Variants in CHRM3 observed in about 807,000 individuals in gnomAD.
The protein encoded by CHRM3 is cholinergic receptor muscarinic 3, also known as muscarinic acetylcholine receptor M3.
In CHRM3, 11 loss-of-function variants were observed where a neutral mutation model predicts 41.8. That is an observed-to-expected ratio of 0.26 (90% CI 0.17 to 0.44). CHRM3 has a LOEUF of 0.44. Among genes scored for constraint, CHRM3 ranks in the 20% least tolerant of loss-of-function variants. CHRM3 has a pLI of 1.00. For missense variants in CHRM3, 571 were observed against 745.4 expected, an observed-to-expected ratio of 0.77 and a Z score of 2.72; for synonymous variants, 297 against 301.4, an observed-to-expected ratio of 0.99 and a Z score of 0.15.
intron 3 of CHRM3, among the ~76,000 whole-genome samples, chr1:239,552,319 CA>C (rs1165971868): frequency 7.0e-6 from 1 of 142,504 alleles, no homozygotes; most frequent in South Asian, 2.2e-4. Flanking sequence ...AGATATGTAT[CA>C]TATATATAGA....
chr1:239,685,545 A>G (rs1223527688), intron 5 of CHRM3, among the ~76,000 whole-genome samples: 1 of 152,098 alleles, frequency 6.6e-6, no homozygotes, highest in African/African-American at 2.4e-5. Flanking sequence ...GTTCTGGACC[A>G]GGTGCAGTGG....
chr1:239,725,649 G>A (rs555864216), intron 5 of CHRM3, among the ~76,000 whole-genome samples: 1 of 152,056 alleles, frequency 6.6e-6, no homozygotes, highest in East Asian at 1.9e-4. Context: ...TGATTGATTG[G>A]TGGCCGGGTC....
Position 239,874,308 on chromosome 1 carries a change from T to G in CHRM3, c.-19-33125T>G, listed in dbSNP as rs868570598. ...CAGTATATATATATATATATATATA[T>G]ATATATATATATATATATACACAGT... On this transcript the variant is annotated intron_variant, in intron 6 of 6. Transcript: ENST00000676153. 4.0e-3 allele frequency among the ~76,000 whole-genome samples: 508 copies of G among 127,190 alleles called. 25 individuals carry two copies. The highest frequency in any genetic ancestry group is 0.016 in the African/African-American group (474 of 28,846). The allele number at this position is 127,190 out of a possible 152,430, so 83.4% of individuals were successfully genotyped here. A position where few individuals can be genotyped will look rare whatever the true frequency, so the allele number is the denominator to read the frequency against.
intron 5 of CHRM3, among the ~76,000 whole-genome samples, chr1:239,710,906 C>T (rs909829904): frequency 1.3e-5 from 2 of 151,988 alleles, no homozygotes; most frequent in African/African-American, 4.8e-5. Context: ...ACCAAGAAAG[C>T]CTGTCTCCTT....
chr1:239,520,338 G>A (rs1203614017), intron 2 of CHRM3, among the ~76,000 whole-genome samples: 1 of 152,248 alleles, frequency 6.6e-6, no homozygotes, highest in Non-Finnish European at 1.5e-5. Context: ...GGGGCCTGGT[G>A]GGAGATGATC....
intron 3 of CHRM3, among the ~76,000 whole-genome samples, chr1:239,615,937 C>T (rs970854488): frequency 3.3e-5 from 5 of 152,176 alleles, no homozygotes; most frequent in South Asian, 4.1e-4. Flanking sequence ...CAGAGCTCAG[C>T]GCCTTCCTTC....
intron 4 of CHRM3, among the ~76,000 whole-genome samples, chr1:239,643,189 C>T (rs1671384997): frequency 6.6e-6 from 1 of 152,138 alleles, no homozygotes; most frequent in Admixed American, 6.5e-5. Context: ...GGGGGTGCCT[C>T]CCAGTTAGGC....
chr1:239,700,548 C>T (rs1390295728), intron 5 of CHRM3, among the ~76,000 whole-genome samples: 3 of 152,082 alleles, frequency 2.0e-5, no homozygotes, highest in Admixed American at 6.6e-5. Flanking sequence ...CTTTGAAAAG[C>T]GCTATCAAAC....
intron 2 of CHRM3, among the ~76,000 whole-genome samples, chr1:239,532,624 A>C (rs1657747367): frequency 2.5e-5 from 1 of 39,504 alleles, no homozygotes; most frequent in Non-Finnish European, 7.3e-5. Context: ...CTGCCTCTCA[A>C]AAAAAAAAAA....
At chr1:239,455,428 C>A (rs1664859196) in intron 1 of CHRM3, among the ~76,000 whole-genome samples, 1 of 151,872 alleles carries the variant, frequency 6.6e-6, no homozygotes, top group South Asian at 2.1e-4. Context: ...AAGAAGGCAT[C>A]ATTATCATAA....
intron 5 of CHRM3, among the ~76,000 whole-genome samples, chr1:239,773,826 A>G (rs750307909): frequency 7.2e-5 from 11 of 152,194 alleles, no homozygotes; most frequent in Admixed American, 2.6e-4. Context: ...ACCTCAATGC[A>G]TAGGGGTTTC....
At chr1:239,606,507 C>A (rs1009690199) in intron 3 of CHRM3, among the ~76,000 whole-genome samples, 1 of 152,174 alleles carries the variant, frequency 6.6e-6, no homozygotes, top group Non-Finnish European at 1.5e-5. Context: ...ATCTCCTGAC[C>A]TTGGGATCTG....
chr1:239,766,627 T>A (rs1239430919), intron 5 of CHRM3, among the ~76,000 whole-genome samples: 1 of 151,948 alleles, frequency 6.6e-6, no homozygotes, highest in Non-Finnish European at 1.5e-5. Context: ...TGTCTATAGA[T>A]AGACATAAAT....
intron 5 of CHRM3, chr1:239,719,207 T>C (rs1200360933): frequency 6.6e-6 from 1 of 152,014 alleles, no homozygotes; most frequent in Non-Finnish European, 1.5e-5. Flanking sequence ...TAATCAGATC[T>C]ACTGGTTTGC....
intron 1 of CHRM3, among the ~76,000 whole-genome samples, chr1:239,482,888 T>G (rs1364806851): frequency 6.6e-6 from 1 of 152,246 alleles, no homozygotes; most frequent in African/African-American, 2.4e-5. Flanking sequence ...ACTAAATGCC[T>G]CGGAAATTTT....
chr1:239,738,382 G>A (rs1664565035), intron 5 of CHRM3, among the ~76,000 whole-genome samples: 1 of 152,134 alleles, frequency 6.6e-6, no homozygotes, highest in Non-Finnish European at 1.5e-5. Context: ...GAGAGCCCTG[G>A]CTTGCAGTCA....
intron 3 of CHRM3, among the ~76,000 whole-genome samples, chr1:239,609,075 T>G (rs1666695129): frequency 6.6e-6 from 1 of 152,178 alleles, no homozygotes; most frequent in Admixed American, 6.5e-5. Context: ...AAAAGCAAGA[T>G]GATGAGTGTG....
chr1:239,505,550 C>T (rs1668512595), intron 2 of CHRM3, among the ~76,000 whole-genome samples: 1 of 152,194 alleles, frequency 6.6e-6, no homozygotes, highest in Admixed American at 6.5e-5. Context: ...GATTGTGATT[C>T]TTTCCCCACC....
intron 4 of CHRM3, among the ~76,000 whole-genome samples, chr1:239,656,469 G>GA (rs71807503): frequency 0.051 from 6,612 of 130,318 alleles, 363 homozygotes; most frequent in African/African-American, 0.16. Flanking sequence ...AAAAAAAAAA[G>GA]AAAAAAGAAA....
Sources: gnomAD v4.1 joint callset for allele counts (sites outside exome capture counted in the v4.1 genomes callset) on GRCh38, gnomAD v4.1.1 for gene constraint, MANE v1.5 for transcripts, NCBI Gene and HGNC (gene_info 2026-07-23, HGNC 2026-07-21) for gene names.